Variants in NKAIN3 observed in about 807,000 individuals in gnomAD.
The protein encoded by NKAIN3 is sodium/potassium transporting ATPase interacting 3.
Under a neutral mutation model 30.2 loss-of-function variants are expected in NKAIN3, and 25 were observed. That is an observed-to-expected ratio of 0.83 (90% CI 0.60 to 1.16). The LOEUF is 1.16. NKAIN3 is among the 50% of genes most tolerant of loss of function. NKAIN3 has a pLI of 0.00. For synonymous variants in NKAIN3, 91 were observed against 89.6 expected, an observed-to-expected ratio of 1.02 and a Z score of -0.09; for missense variants, 225 against 254.1, an observed-to-expected ratio of 0.89 and a Z score of 0.78.
intron 1 of NKAIN3, among the ~76,000 whole-genome samples, chr8:62,504,408 T>C (rs1807568747): frequency 6.6e-6 from 1 of 152,182 alleles, no homozygotes; most frequent in Non-Finnish European, 1.5e-5. Context: ...CTCCAATGAC[T>C]CTTCCACCTA....
At chr8:62,624,287 G>A (rs1811721443) in intron 3 of NKAIN3, among the ~76,000 whole-genome samples, 1 of 151,898 alleles carries the variant, frequency 6.6e-6, no homozygotes, top group Non-Finnish European at 1.5e-5. Flanking sequence ...TGCCAATGCA[G>A]CCCAGTAGGT....
At position 62,452,710 on chromosome 8, in the gene NKAIN3, A is replaced by G. The variant is rs138661905; in HGVS notation, c.55-126829A>G. ...ATCATTTTGTAATTTATCCCTTATC[A>G]TTACTCTTGATTTCTTAATTCCTTA... On this transcript the variant is annotated intron_variant, in intron 1 of 6. Transcript: ENST00000623646. Among the ~76,000 whole-genome samples, 29 of 152,262 alleles carry G rather than the reference A, an allele frequency of 1.9e-4. No homozygotes were observed. In the East Asian group the frequency reaches 5.4e-3, roughly 28 times the overall value.
downstream of NKAIN3, among the ~76,000 whole-genome samples, chr8:62,988,014 T>C (rs541617990): frequency 6.6e-6 from 1 of 152,320 alleles, no homozygotes; most frequent in Admixed American, 6.5e-5. Flanking sequence ...CAAAGGGCTA[T>C]AGGCCCTATG....
chr8:62,323,882 T>C (rs1585680385), intron 1 of NKAIN3, among the ~76,000 whole-genome samples: 1 of 152,076 alleles, frequency 6.6e-6, no homozygotes, highest in African/African-American at 2.4e-5. Flanking sequence ...TAATTCCAAA[T>C]ATATGACATT....
At chr8:62,469,951 T>G (rs762973595) in intron 1 of NKAIN3, among the ~76,000 whole-genome samples, 4 of 152,212 alleles carry the variant, frequency 2.6e-5, no homozygotes, top group Non-Finnish European at 4.4e-5. Flanking sequence ...TTCAGCAGAA[T>G]TCTAGCTTTG....
intron 3 of NKAIN3, among the ~76,000 whole-genome samples, chr8:62,612,265 T>C (rs1325710210): frequency 6.6e-6 from 1 of 152,072 alleles, no homozygotes; most frequent in Non-Finnish European, 1.5e-5. Context: ...TTAGCTCTAA[T>C]AATATTTCCT....
chr8:62,457,864 AG>A (rs982566880), intron 1 of NKAIN3, among the ~76,000 whole-genome samples: 13 of 152,084 alleles, frequency 8.5e-5, no homozygotes, highest in Admixed American at 6.6e-4. Context: ...ATTTTTATTC[AG>A]GGGGAACTTA....
intron 3 of NKAIN3, among the ~76,000 whole-genome samples, chr8:62,702,287 A>G (rs966441189): frequency 9.9e-5 from 15 of 152,236 alleles, no homozygotes; most frequent in Non-Finnish European, 1.6e-4. Flanking sequence ...TAAATATACA[A>G]CTTCTAAACC....
intron 1 of NKAIN3, among the ~76,000 whole-genome samples, chr8:62,340,896 C>CAA (rs199882739): frequency 0.082 from 12,529 of 152,020 alleles, 668 homozygotes; most frequent in African/African-American, 0.13. Context: ...TCAAGGAAAG[C>CAA]GTCTTGTCAT....
At chr8:62,686,850 A>C (rs985340349) in intron 3 of NKAIN3, among the ~76,000 whole-genome samples, 1 of 152,212 alleles carries the variant, frequency 6.6e-6, no homozygotes. Flanking sequence ...AACCACATGC[A>C]TATGGGTTAA....
At chr8:62,767,636 G>A (rs1816884637) in intron 4 of NKAIN3, among the ~76,000 whole-genome samples, 1 of 151,382 alleles carries the variant, frequency 6.6e-6, no homozygotes, top group African/African-American at 2.4e-5. Flanking sequence ...CTTAACTTCT[G>A]AGTATTTTTC....
At chr8:62,903,532 C>G (rs1821674064) in intron 4 of NKAIN3, among the ~76,000 whole-genome samples, 2 of 152,178 alleles carry the variant, frequency 1.3e-5, no homozygotes, top group South Asian at 4.2e-4. Flanking sequence ...CACTAAAAGG[C>G]CCTCTCGGGA....
intron 4 of NKAIN3, among the ~76,000 whole-genome samples, chr8:62,866,736 T>G (rs188665126): frequency 6.6e-6 from 1 of 152,022 alleles, no homozygotes. Context: ...GTTTGAGGTG[T>G]TTGCGGTTGT....
intron 5 of NKAIN3, among the ~76,000 whole-genome samples, chr8:62,921,802 G>A (rs17190425): frequency 0.071 from 10,853 of 152,194 alleles, 491 homozygotes; most frequent in South Asian, 0.15. Context: ...CCTTGTTTGG[G>A]AATCATTTGC....
At chr8:62,535,291 A>G (rs575366148) in intron 1 of NKAIN3, among the ~76,000 whole-genome samples, 1 of 152,296 alleles carries the variant, frequency 6.6e-6, no homozygotes, top group Admixed American at 6.5e-5. Flanking sequence ...AATCATCAAT[A>G]CAGAAGAAGA....
At chr8:62,532,304 T>C (rs1280083971) in intron 1 of NKAIN3, among the ~76,000 whole-genome samples, 1 of 152,126 alleles carries the variant, frequency 6.6e-6, no homozygotes, top group Admixed American at 6.5e-5. Flanking sequence ...AAGCCACTCA[T>C]CTATGCCAGG....
At chr8:62,919,226 A>ATTTTTTTTTTTTTTTTT (rs1415475110) in intron 5 of NKAIN3, among the ~76,000 whole-genome samples, 1 of 88,450 alleles carries the variant, frequency 1.1e-5, no homozygotes, top group Non-Finnish European at 2.2e-5. Context: ...TTACTTTCAA[A>ATTTTTTTTTTTTTTTTT]ATTTTTTTTT....
chr8:62,894,227 G>C (rs1162797563), intron 4 of NKAIN3, among the ~76,000 whole-genome samples: 1 of 152,098 alleles, frequency 6.6e-6, no homozygotes, highest in East Asian at 1.9e-4. Context: ...GGGTTGAGCT[G>C]AATGTCAATT....
At chr8:62,870,412 C>T (rs1412213733) in intron 4 of NKAIN3, among the ~76,000 whole-genome samples, 5 of 133,958 alleles carry the variant, frequency 3.7e-5, no homozygotes, top group Non-Finnish European at 6.1e-5. Context: ...TACATATATA[C>T]AATATATGTA....
Sources: allele counts gnomAD v4.1 joint callset (sites outside exome capture counted in the v4.1 genomes callset), GRCh38; gene constraint gnomAD v4.1.1; transcripts MANE v1.5; gene names NCBI Gene and HGNC (gene_info 2026-07-23, HGNC 2026-07-21).